The following CIT variants were observed in gnomAD, a reference collection of about 807,000 sequenced individuals.
CIT encodes the protein citron rho-interacting serine/threonine kinase, also known as citron Rho-interacting kinase.
In CIT, 79 loss-of-function variants were observed where a neutral mutation model predicts 272.7. That is an observed-to-expected ratio of 0.29 (90% CI 0.24 to 0.35). CIT has a LOEUF of 0.35. Ranked by LOEUF, CIT falls within the 10% of genes least tolerant of loss-of-function variation. The pLI, the probability that CIT is intolerant of heterozygous loss-of-function variation, is 1.00. For missense variants in CIT, 1,909 were observed against 2,618.3 expected (o/e 0.73, Z 5.91); for synonymous variants, 948 against 995.6 (o/e 0.95, Z 0.90).
chr12:119,690,226 C>G lies in CIT; in HGVS notation c.6111G>C (p.Gly2037=), dbSNP rs1047085326. ...CCCTGCTGCTGTCTTCAAACAGCCT[C>G]CCGGGGGACCGCTCTCTCCGCGTGC... ...MLSTRRERSP[G]RLFEDSSRGR... Residue 2037 remains glycine (G), a synonymous_variant, in exon 47 of 48, where the codon GGG becomes GGC. Transcript: ENST00000392521. The surrounding 1 kb of genome is among the most constrained non-coding windows in gnomAD (Gnocchi z 6.0). 6.5e-7 allele frequency: 1 copy of G among 1,535,414 alleles called. No homozygotes were observed. Among genetic ancestry groups the G allele is most frequent in the Non-Finnish European group, 8.7e-7 (1 of 1,152,030 alleles).
intron 3 of CIT, 42 bp from the exon 4 acceptor site, chr12:119,857,740 G>T (rs1950214694): frequency 1.3e-6 from 2 of 1,527,562 alleles, no homozygotes; most frequent in East Asian, 2.3e-5. Flanking sequence ...AATAAAGCAT[G>T]CAAATATATG....
chr12:119,833,705 C>T (rs1054822381), intron 6 of CIT, among the ~76,000 whole-genome samples: 1 of 150,190 alleles, frequency 6.7e-6, no homozygotes, highest in East Asian at 1.9e-4. Flanking sequence ...TTCTAACGGG[C>T]AGAGTTAGAG....
At chr12:119,864,007 G>C (rs945374118) in intron 3 of CIT, among the ~76,000 whole-genome samples, 1 of 151,854 alleles carries the variant, frequency 6.6e-6, no homozygotes, top group Non-Finnish European at 1.5e-5. Context: ...TGTCAGCAAT[G>C]AATTTCTATT....
At chr12:119,815,168 AAGGC>A (rs1967058213) in intron 9 of CIT, among the ~76,000 whole-genome samples, 1 of 151,806 alleles carries the variant, frequency 6.6e-6, no homozygotes, top group Middle Eastern at 3.4e-3. Context: ...TGCAATTCTA[AAGGC>A]AGGACACTAA....
intron 17 of CIT, 132 bp downstream of exon 17, chr12:119,772,638 G>T: frequency 1.0e-6 from 1 of 1,001,112 alleles, no homozygotes; most frequent in Non-Finnish European, 1.4e-6. Flanking sequence ...AGCCTCTCAG[G>T]TTTCAAAGGG....
In CIT at chr12:119,701,621, C is replaced by T. The variant is rs1345000411; in HGVS notation, c.5542+3G>A. ...AAGGGCAGTGGGCGCAGCCACGACT[C>T]ACCGTGGAAACACAGCAAGTACTCC... On this transcript the variant is annotated splice_donor_region_variant and intron_variant, in intron 43 of 47. Coordinates refer to ENST00000392521, the MANE Select transcript of CIT (RefSeq NM_001206999.2). 3 of 1,613,292 alleles carry T rather than the reference C, an allele frequency of 1.9e-6. No homozygotes were observed. Among genetic ancestry groups the T allele is most frequent in the Non-Finnish European group, 2.5e-6 (3 of 1,179,574 alleles).
At chr12:119,767,235 T>A in intron 18 of CIT, 53 bp from the exon 19 acceptor site, 1 of 1,330,790 alleles carries the variant, frequency 7.5e-7, no homozygotes, top group East Asian at 2.4e-5. Context: ...ACACCGCCAA[T>A]GCACGTTAGA....
chr12:119,857,965 G>A (rs888051606), intron 3 of CIT, among the ~76,000 whole-genome samples: 5 of 152,196 alleles, frequency 3.3e-5, no homozygotes, highest in Non-Finnish European at 7.3e-5. Flanking sequence ...AATAGGGAGA[G>A]AGGATACAAA....
At chr12:119,775,573 GT>G (rs1236523775) in intron 16 of CIT, among the ~76,000 whole-genome samples, 1 of 152,192 alleles carries the variant, frequency 6.6e-6, no homozygotes, top group East Asian at 1.9e-4. Flanking sequence ...ACACAGCTTG[GT>G]TTTTAAAAAT....
chr12:119,711,602 C>A (rs1233397859), intron 37 of CIT, among the ~76,000 whole-genome samples: 1 of 152,192 alleles, frequency 6.6e-6, no homozygotes, highest in African/African-American at 2.4e-5. Flanking sequence ...TGCATCACCA[C>A]AACCAAGGTC....
chr12:119,727,192 A>G (rs1290457483), intron 28 of CIT, among the ~76,000 whole-genome samples: 1 of 152,242 alleles, frequency 6.6e-6, no homozygotes, highest in Non-Finnish European at 1.5e-5. Context: ...ATAGAAGGAT[A>G]AAAATGACAG....
intron 8 of CIT, among the ~76,000 whole-genome samples, chr12:119,823,261 C>A (rs1357261705): frequency 6.6e-6 from 1 of 152,110 alleles, no homozygotes; most frequent in African/African-American, 2.4e-5. Flanking sequence ...CCTTTGCTGT[C>A]CAACAATGAT....
At chr12:119,707,052 T>TGAC (rs1956913333) in intron 40 of CIT, among the ~76,000 whole-genome samples, 1 of 152,166 alleles carries the variant, frequency 6.6e-6, no homozygotes, top group African/African-American at 2.4e-5. Flanking sequence ...TCTCATGAAC[T>TGAC]TTGTTATGTA....
intron 5 of CIT, among the ~76,000 whole-genome samples, chr12:119,837,334 C>T (rs748111301): frequency 5.3e-5 from 8 of 152,326 alleles, no homozygotes; most frequent in Non-Finnish European, 1.0e-4. Flanking sequence ...GTGTGGCCAA[C>T]CACAGCTTAT....
At chr12:119,749,046 G>A (rs1358592115) in intron 23 of CIT, among the ~76,000 whole-genome samples, 1 of 152,180 alleles carries the variant, frequency 6.6e-6, no homozygotes, top group Non-Finnish European at 1.5e-5. Flanking sequence ...TGACAGGATG[G>A]GTGAAGTGAA....
chr12:119,717,564 G>A (rs1468843522), intron 32 of CIT, among the ~76,000 whole-genome samples: 2 of 150,808 alleles, frequency 1.3e-5, no homozygotes, highest in Admixed American at 6.6e-5. Flanking sequence ...GGGACTTCAG[G>A]AGAATGCTAC....
In CIT at chr12:119,697,592, T is replaced by A. The variant is rs1428797720; in HGVS notation, c.5882+67A>T. ...TGGGAAACATTCTACTGGTTTAGTA[T>A]CACTTCCTTCTGCCTTGCAGAAAAG... On this transcript the variant is annotated intron_variant, in intron 46 of 47. Coordinates refer to ENST00000392521, the MANE Select transcript of CIT (RefSeq NM_001206999.2). This position sits in a 1 kb window ranked among gnomAD's most constrained non-coding sequence, Gnocchi z 4.9. The A allele has an allele frequency of 1.4e-6, 2 of 1,478,264 alleles. No homozygotes were observed. The highest frequency in any genetic ancestry group is 1.8e-6 in the Non-Finnish European group (2 of 1,082,434). 91.6% of individuals were successfully genotyped at this position (1,478,264 alleles called of 1,614,324 possible).
chr12:119,690,280 C>T lies in CIT; in HGVS notation c.6057G>A (p.Glu2019=). The change falls in exon 47 of 48, where the codon GAG becomes GAA. Residue 2019 remains glutamate, a synonymous_variant. Transcript: ENST00000392521. This position sits in a 1 kb window ranked among gnomAD's most constrained non-coding sequence, Gnocchi z 6.0. ...RRDKSPGRPL[E]REKSPGRMLS... ...GCATCCGGCCGGGGGACTTCTCTCG[C>T]TCCAGGGGGCGGCCAGGAGACTTGT... 1.9e-6 allele frequency: 3 copies of T among 1,584,436 alleles called. No individual in the cohort carries two copies. The highest frequency in any genetic ancestry group is 2.6e-6 in the Non-Finnish European group (3 of 1,173,876).
intron 23 of CIT, among the ~76,000 whole-genome samples, chr12:119,750,054 A>C (rs1403484048): frequency 6.6e-6 from 1 of 152,236 alleles, no homozygotes; most frequent in Middle Eastern, 3.2e-3. Context: ...CCTGGGGAGA[A>C]AAAGCTAAAG....
Sources: allele counts gnomAD v4.1 joint callset (sites outside exome capture counted in the v4.1 genomes callset), GRCh38; gene constraint gnomAD v4.1.1; non-coding constraint Gnocchi (gnomAD v3.1); transcripts MANE v1.5; gene names NCBI Gene and HGNC (gene_info 2026-07-23, HGNC 2026-07-21).